Variants in SVIL observed in about 807,000 individuals in gnomAD.
The protein encoded by SVIL is supervillin, also known as archvillin.
Under a neutral mutation model 240.4 loss-of-function variants are expected in SVIL, and 101 were observed. The ratio of observed to expected loss-of-function variants is 0.42; its 90% CI spans 0.36 to 0.50. The LOEUF (loss-of-function observed/expected upper bound fraction) is 0.50. SVIL is among the 20% of genes least tolerant of loss of function. SVIL has a pLI of 0.01. For synonymous variants in SVIL, 999 were observed against 1,100.0 expected (o/e 0.91, Z 1.82); for missense variants, 2,512 against 2,818.7 (o/e 0.89, Z 2.46).
At chr10:29,467,704 CAAAA>C (rs373715319) in intron 33 of SVIL, 34 bp downstream of exon 33, 1 of 1,611,920 alleles carries the variant, frequency 6.2e-7, no homozygotes, top group Non-Finnish European at 8.5e-7. Flanking sequence ...CAAAAACAAA[CAAAA>C]AAACCAGATC....
In SVIL at chr10:29,562,045, T is replaced by G. The variant is rs111365931; in HGVS notation, c.-51+1156A>C. Among the ~76,000 whole-genome samples the G allele has an allele frequency of 1.3e-3, 195 of 152,362 alleles. 2 individuals carry two copies. Among genetic ancestry groups the G allele is most frequent in the African/African-American group, 4.6e-3 (192 of 41,578 alleles). On this transcript the variant is annotated intron_variant, in intron 3 of 37. Transcript: ENST00000355867. ...ATTCCAATTCGTCAGTGGGACTTTT[T>G]TTTACTGGATTTACTTTCTATTAAA... is the stretch of plus-strand genomic sequence containing the variant.
intron 3 of SVIL, among the ~76,000 whole-genome samples, chr10:29,654,380 A>C (rs554301813): frequency 4.6e-5 from 7 of 152,216 alleles, no homozygotes; most frequent in African/African-American, 1.7e-4. Flanking sequence ...TTGTATATTA[A>C]TCTTATGTCC....
At chr10:29,580,916 G>A (rs187534411) in intron 1 of SVIL, among the ~76,000 whole-genome samples, 34 of 152,288 alleles carry the variant, frequency 2.2e-4, no homozygotes, top group African/African-American at 8.2e-4. Context: ...CCGAAGTGCT[G>A]GGATTACAGG....
intron 1 of SVIL, among the ~76,000 whole-genome samples, chr10:29,716,228 T>C (rs1447602477): frequency 6.6e-6 from 1 of 152,270 alleles, no homozygotes; most frequent in Non-Finnish European, 1.5e-5. Context: ...TGGTGATAAC[T>C]ATGTAAATCA....
intron 2 of SVIL, among the ~76,000 whole-genome samples, chr10:29,662,850 C>A (rs1055315709): frequency 2.6e-5 from 4 of 152,290 alleles, no homozygotes; most frequent in Non-Finnish European, 5.9e-5. Context: ...GTGGCTCATG[C>A]CTGTAATCCC....
chr10:29,549,786 A>G (rs1490536151), intron 6 of SVIL, among the ~76,000 whole-genome samples: 1 of 139,916 alleles, frequency 7.1e-6, no homozygotes, highest in Non-Finnish European at 1.5e-5. Context: ...AAAACCAAAC[A>G]CCGCATATTC....
At chr10:29,460,771 T>C (rs1944158979) in intron 36 of SVIL, among the ~76,000 whole-genome samples, 1 of 152,150 alleles carries the variant, frequency 6.6e-6, no homozygotes, top group African/African-American at 2.4e-5. Flanking sequence ...CCAGGCATTA[T>C]GGTGTGTGCT....
chr10:29,710,438 C>G (rs1313631265), intron 1 of SVIL, among the ~76,000 whole-genome samples: 1 of 152,168 alleles, frequency 6.6e-6, no homozygotes. Context: ...TTTAAAGTTT[C>G]CCTGTTCAAA....
intron 6 of SVIL, 124 bp from the exon 7 acceptor site, chr10:29,536,193 G>C: frequency 1.1e-6 from 1 of 896,098 alleles, no homozygotes; most frequent in South Asian, 1.6e-5. Flanking sequence ...TTATAAGTGG[G>C]AGTTAAACAT....
intron 1 of SVIL, among the ~76,000 whole-genome samples, chr10:29,572,991 T>G (rs1955517011): frequency 6.6e-6 from 1 of 152,180 alleles, no homozygotes; most frequent in Non-Finnish European, 1.5e-5. Flanking sequence ...TGAATTATTA[T>G]TAAGGAATAA....
At chr10:29,498,788 C>A (rs967254268) in intron 18 of SVIL, among the ~76,000 whole-genome samples, 1 of 152,108 alleles carries the variant, frequency 6.6e-6, no homozygotes, top group African/African-American at 2.4e-5. Flanking sequence ...TGAGACCAGC[C>A]TGGGCAACAC....
intron 2 of SVIL, among the ~76,000 whole-genome samples, chr10:29,661,533 T>C (rs766970491): frequency 2.0e-5 from 3 of 152,190 alleles, no homozygotes; most frequent in Admixed American, 6.5e-5. Flanking sequence ...GGCTTGTCTC[T>C]TCTCTCCGGG....
chr10:29,536,738 C>T (rs572953204), intron 6 of SVIL, among the ~76,000 whole-genome samples: 2 of 151,964 alleles, frequency 1.3e-5, no homozygotes, highest in South Asian at 2.1e-4. Context: ...GGTGAAACCC[C>T]ATCTCTACTA....
Position 29,457,344 on chromosome 10 carries a change from G to A in SVIL, c.*903C>T, listed in dbSNP as rs973347914. On this transcript the variant is annotated 3_prime_UTR_variant, in exon 38 of 38. Coordinates refer to ENST00000355867, the MANE Select transcript of SVIL (RefSeq NM_021738.3). ...GAAAGGAACATGCTTGGAATTCAAT[G>A]TGAACCAGTTAATTGTTGTGTTTAT... is the stretch of plus-strand genomic sequence containing the variant. 6.6e-6 allele frequency: 1 copy of A among 151,088 alleles called. No individual in the cohort carries two copies. Among genetic ancestry groups the A allele is most frequent in the Admixed American group, 6.6e-5 (1 of 15,194 alleles). 9.4% of individuals were successfully genotyped at this position (151,088 alleles called of 1,614,324 possible).
At position 29,525,738 on chromosome 10, in the gene SVIL, C is replaced by T. The variant is rs138353873; in HGVS notation, c.2343-1023G>A. Among the ~76,000 whole-genome samples the T allele has an allele frequency of 9.3e-4, 142 of 152,270 alleles. 2 individuals are homozygous for T. The South Asian group carries it at 0.02, about 22-fold the overall frequency. On this transcript the variant is annotated intron_variant, in intron 13 of 37. Transcript: ENST00000355867. ...GTTTGTAATGCACTATATCTTCTGT[C>T]CCTGACCGATCCAATTGTCAGATCT...
intron 31 of SVIL, 83 bp from the exon 32 acceptor site, chr10:29,470,566 C>A: frequency 6.6e-7 from 1 of 1,518,302 alleles, no homozygotes; most frequent in South Asian, 1.2e-5. Flanking sequence ...TCCGCTGTGT[C>A]GTCCAAGGCA....
Position 29,554,827 on chromosome 10 carries a change from G to A in SVIL, c.116C>T (p.Thr39Ile), listed in dbSNP as rs747590852. 22 of 1,613,450 alleles carry A rather than the reference G, an allele frequency of 1.4e-5. No homozygotes were observed. The highest frequency in any genetic ancestry group is 1.8e-5 in the Non-Finnish European group (21 of 1,179,774). The change falls in exon 5 of 38, where the codon ACC becomes ATC. Residue 39 changes from threonine to isoleucine, a missense_variant. Around this residue, in one of 3 missense-constraint regions of SVIL, gnomAD observed 1,443 missense variants for 1,486.6 expected, o/e 0.97. Transcript: ENST00000355867. ...LVTHRLLEED[T>I]PRYMRASDPA... ...GTCGCTGGCTCTCATGTATCGAGGG[G>A]TGTCTTCCTCCAGCAGGCGGTGAGT...
intron 3 of SVIL, among the ~76,000 whole-genome samples, chr10:29,655,479 C>T (rs1253873294): frequency 1.3e-5 from 2 of 152,204 alleles, no homozygotes; most frequent in African/African-American, 4.8e-5. Flanking sequence ...TCTTCTACTG[C>T]TTCGCTCTTG....
chr10:29,558,955 T>C (rs1281701387), intron 3 of SVIL, among the ~76,000 whole-genome samples: 1 of 148,302 alleles, frequency 6.7e-6, no homozygotes, highest in East Asian at 1.9e-4. Flanking sequence ...ATAAAAAATA[T>C]GGTTTATATT....
Sources: allele counts gnomAD v4.1 joint callset (sites outside exome capture counted in the v4.1 genomes callset), GRCh38; gene constraint gnomAD v4.1.1; regional missense constraint gnomAD v4.1.1; transcripts MANE v1.5; gene names NCBI Gene and HGNC (gene_info 2026-07-23, HGNC 2026-07-21).